The following SLC13A3 variants were observed in gnomAD, a reference collection of about 807,000 sequenced individuals.
SLC13A3 encodes the protein Na(+)/dicarboxylate cotransporter 3.
Under a neutral mutation model 59.0 loss-of-function variants are expected in SLC13A3, and 40 were observed. The ratio of observed to expected loss-of-function variants is 0.68; its 90% CI spans 0.53 to 0.88. SLC13A3 has a LOEUF of 0.88. Ranked by LOEUF, SLC13A3 falls within the 40% of genes least tolerant of loss-of-function variation. The probability of loss-of-function intolerance (pLI) is 0.00; values close to 1 mark genes in which losing one functional copy is unlikely to be tolerated. For synonymous variants in SLC13A3, 317 were observed against 330.3 expected (o/e 0.96, Z 0.44); for missense variants, 699 against 783.2 (o/e 0.89, Z 1.28).
chr20:46,568,401 C>CAAAAAAAAAAAA (rs66526539), intron 10 of SLC13A3, among the ~76,000 whole-genome samples: 2 of 58,696 alleles, frequency 3.4e-5, no homozygotes, highest in African/African-American at 5.2e-5. Flanking sequence ...GACTCCATCT[C>CAAAAAAAAAAAA]AAAAAAAAAA....
chr20:46,674,311 C>T (rs1190111429), upstream of SLC13A3, among the ~76,000 whole-genome samples: 1 of 152,160 alleles, frequency 6.6e-6, no homozygotes, highest in Non-Finnish European at 1.5e-5. Flanking sequence ...CTTCTTTCCC[C>T]TGGAGGGGGA....
intron 1 of SLC13A3, among the ~76,000 whole-genome samples, chr20:46,631,212 A>G (rs2062732669): frequency 6.6e-6 from 1 of 152,182 alleles, no homozygotes; most frequent in African/African-American, 2.4e-5. Flanking sequence ...TCTAGTGAGT[A>G]CAGGACAGAG....
At chr20:46,601,601 T>A (rs2062380871) in intron 3 of SLC13A3, among the ~76,000 whole-genome samples, 1 of 152,220 alleles carries the variant, frequency 6.6e-6, no homozygotes, top group Admixed American at 6.5e-5. Flanking sequence ...ATACGCAGTA[T>A]GTCAAATGAA....
chr20:46,610,336 G>A (rs903383572), intron 3 of SLC13A3, 110 bp downstream of exon 3: 2 of 961,898 alleles, frequency 2.1e-6, no homozygotes, highest in African/African-American at 1.6e-5. Flanking sequence ...ACGCATAGTA[G>A]GTGCTCAATA....
chr20:46,594,080 C>T (rs6124827), intron 5 of SLC13A3, among the ~76,000 whole-genome samples: 6,007 of 152,096 alleles, frequency 0.039, 382 homozygotes, highest in African/African-American at 0.13. Flanking sequence ...ATCAAAATCA[C>T]ATATTACCTA....
chr20:46,618,849 C>T (rs2062587445), intron 1 of SLC13A3, among the ~76,000 whole-genome samples: 1 of 152,202 alleles, frequency 6.6e-6, no homozygotes, highest in Non-Finnish European at 1.5e-5. Context: ...CTTCAGATTT[C>T]TCCGGTTTCA....
chr20:46,620,644 C>T (rs860188), intron 1 of SLC13A3, among the ~76,000 whole-genome samples: 53,547 of 151,928 alleles, frequency 0.35, 9,516 homozygotes, highest in South Asian at 0.42. Context: ...ATGAGGCCTG[C>T]AGTGGCAGAG....
intron 1 of SLC13A3, among the ~76,000 whole-genome samples, chr20:46,615,150 G>C (rs939359545): frequency 2.6e-5 from 4 of 152,208 alleles, no homozygotes; most frequent in Admixed American, 2.0e-4. Context: ...CTGTTGGAAT[G>C]AAACTATTCC....
At chr20:46,606,407 G>A (rs1367550335) in intron 3 of SLC13A3, among the ~76,000 whole-genome samples, 1 of 152,232 alleles carries the variant, frequency 6.6e-6, no homozygotes, top group East Asian at 1.9e-4. Context: ...ATATGGATGA[G>A]CACCACGCTT....
Position 46,610,601 on chromosome 20 carries a change from A to C in SLC13A3, c.386T>G (p.Leu129Arg). ...LVGVQPARLI[L>R]GMMVTTSFLS... ...GAACGAGGTGGTCACCATCATCCCC[A>C]GGATGAGCCTGCAGAGCAGATGGCA... Residue 129 changes from leucine (L) to arginine (R), a missense_variant, in exon 3 of 13, where the codon CTG becomes CGG. Leu to Arg is a moderately radical substitution (Grantham distance 102, BLOSUM62 -2). Transcript: ENST00000279027. 1 of 1,612,992 alleles carries C rather than the reference A, an allele frequency of 6.2e-7. No individual in the cohort carries two copies. The highest frequency in any genetic ancestry group is 8.5e-7 in the Non-Finnish European group (1 of 1,179,472).
rs866281710 is a variant in SLC13A3 at position 46,613,489 on chromosome 20, G to A, written c.348C>T (p.Ile116=). 2 of 1,605,548 alleles carry A rather than the reference G, an allele frequency of 1.2e-6. No homozygotes were observed. The highest frequency in any genetic ancestry group is 2.7e-5 in the African/African-American group (2 of 74,930). ...WNLHRRIALK[I]LMLVGVQPAR... ...CCGGCTGGACTCCAACAAGCATCAG[G>A]ATCTTGAGGGCGATTCGCCGGTGCA... The change falls in exon 2 of 13, where the codon ATC becomes ATT. Residue 116 remains isoleucine (I), a synonymous_variant. Transcript: ENST00000279027.
intron 1 of SLC13A3, among the ~76,000 whole-genome samples, chr20:46,662,004 T>C (rs1195584943): frequency 6.6e-6 from 1 of 152,164 alleles, no homozygotes; most frequent in Non-Finnish European, 1.5e-5. Context: ...ATTCAGTGAG[T>C]AGAGTTTATC....
intron 3 of SLC13A3, among the ~76,000 whole-genome samples, chr20:46,606,489 T>C (rs1248387615): frequency 6.6e-6 from 1 of 152,152 alleles, no homozygotes; most frequent in African/African-American, 2.4e-5. Flanking sequence ...AAGATGTAGA[T>C]GGCAAGTTAG....
chr20:46,645,769 T>C (rs2062888757), intron 1 of SLC13A3, among the ~76,000 whole-genome samples: 1 of 152,180 alleles, frequency 6.6e-6, no homozygotes, highest in African/African-American at 2.4e-5. Context: ...TTAATCAGCG[T>C]TAAATATTTA....
Position 46,646,703 on chromosome 20 carries a change from T to C in SLC13A3, c.111+4608A>G, listed in dbSNP as rs74763352. ...AGCCTCAGTTTCATCATCTGCAAAA[T>C]AGGAGAACTAAAACATATTTTCAGC... is the stretch of plus-strand genomic sequence containing the variant. On this transcript the variant is annotated intron_variant, in intron 1 of 12. Coordinates refer to ENST00000279027, the MANE Select transcript of SLC13A3 (RefSeq NM_022829.6). Among the ~76,000 whole-genome samples, 1,410 of 152,252 alleles carry C rather than the reference T, an allele frequency of 9.3e-3. 9 individuals carry two copies. The highest frequency in any genetic ancestry group is 0.013 in the Non-Finnish European group (897 of 68,018).
At chr20:46,608,886 A>G (rs765880439) in intron 3 of SLC13A3, 28 of 1,549,768 alleles carry the variant, frequency 1.8e-5, no homozygotes, top group South Asian at 7.2e-5. Context: ...TTTGGGTCCC[A>G]GGTGCCATCA....
intron 8 of SLC13A3, 123 bp downstream of exon 8, chr20:46,587,936 G>T: frequency 1.9e-6 from 1 of 528,690 alleles, no homozygotes. Context: ...ATAATCATAT[G>T]GGACAAAAGA....
intron 10 of SLC13A3, among the ~76,000 whole-genome samples, chr20:46,569,948 A>T (rs1171319745): frequency 4.6e-5 from 7 of 152,166 alleles, no homozygotes; most frequent in Non-Finnish European, 7.4e-5. Context: ...TGGCCAAAAT[A>T]CCCTTGAAAA....
At chr20:46,659,159 ATTAT>A (rs1159005269) in intron 1 of SLC13A3, among the ~76,000 whole-genome samples, 2 of 152,070 alleles carry the variant, frequency 1.3e-5, no homozygotes, top group African/African-American at 4.8e-5. Flanking sequence ...ATCTAATATA[ATTAT>A]TTATCTGGTT....
Sources: allele counts gnomAD v4.1 joint callset (sites outside exome capture counted in the v4.1 genomes callset), GRCh38; gene constraint gnomAD v4.1.1; transcripts MANE v1.5; gene names NCBI Gene and HGNC (gene_info 2026-07-23, HGNC 2026-07-21).